EYA1: variants seen among roughly 807,000 people sequenced by gnomAD.
The protein encoded by EYA1 is protein phosphatase EYA1.
EYA1 carries 16 observed loss-of-function variants against 82.0 expected under a neutral mutation model. The observed-to-expected ratio is 0.20, with a 90% CI of 0.13 to 0.30. The LOEUF (loss-of-function observed/expected upper bound fraction) is 0.30. Among genes scored for constraint, EYA1 ranks in the 10% least tolerant of loss-of-function variants. The pLI, the probability that EYA1 is intolerant of heterozygous loss-of-function variation, is 1.00. For synonymous variants in EYA1, 261 were observed against 264.4 expected (o/e 0.99, Z 0.12); for missense variants, 633 against 730.7 (o/e 0.87, Z 1.54).
At chr8:71,335,270 A>G in intron 3 of EYA1, among the ~76,000 whole-genome samples, 1 of 152,314 alleles carries the variant, frequency 6.6e-6, no homozygotes, top group South Asian at 2.1e-4. Context: ...AAGCGGGAAA[A>G]GATGATGGAG....
intron 3 of EYA1, among the ~76,000 whole-genome samples, chr8:71,342,106 A>T (rs541515575): frequency 6.6e-6 from 1 of 152,118 alleles, no homozygotes; most frequent in African/African-American, 2.4e-5. Flanking sequence ...GAGCCTCCAT[A>T]CTAATGCTCA....
chr8:71,397,195 A>G (rs918509084), intron 2 of EYA1, among the ~76,000 whole-genome samples: 4 of 151,980 alleles, frequency 2.6e-5, no homozygotes, highest in African/African-American at 7.3e-5. Context: ...TGCATGTGAG[A>G]TGGGTTTCCT....
chr8:71,314,850 T>C (rs1009587697), intron 7 of EYA1, among the ~76,000 whole-genome samples: 3 of 152,218 alleles, frequency 2.0e-5, no homozygotes, highest in African/African-American at 7.2e-5. Context: ...TTTAATGCAA[T>C]ATCCAGTAAG....
At chr8:71,387,111 G>C (rs181036623) in intron 2 of EYA1, among the ~76,000 whole-genome samples, 2 of 152,120 alleles carry the variant, frequency 1.3e-5, no homozygotes, top group Non-Finnish European at 2.9e-5. Context: ...TGTGTGATGC[G>C]ATCGACTTCT....
chr8:71,258,782 T>C (rs1350952110), intron 11 of EYA1, among the ~76,000 whole-genome samples: 1 of 152,232 alleles, frequency 6.6e-6, no homozygotes, highest in African/African-American at 2.4e-5. Flanking sequence ...ATCTTAACTA[T>C]CTTGTAAATA....
chr8:71,538,275 T>A (rs548391091), intron 1 of EYA1, among the ~76,000 whole-genome samples: 3 of 152,288 alleles, frequency 2.0e-5, no homozygotes, highest in African/African-American at 7.2e-5. Context: ...TCTCTACCTG[T>A]CTCCCCCGCT....
intron 2 of EYA1, among the ~76,000 whole-genome samples, chr8:71,505,046 C>T (rs753760572): frequency 3.9e-5 from 6 of 152,154 alleles, no homozygotes; most frequent in Non-Finnish European, 5.9e-5. Context: ...ATGATCTGCC[C>T]GCCTTGGCCT....
At chr8:71,425,797 C>T (rs1041784994) in intron 2 of EYA1, among the ~76,000 whole-genome samples, 1 of 152,136 alleles carries the variant, frequency 6.6e-6, no homozygotes, top group Admixed American at 6.6e-5. Context: ...CTTGCTGGAA[C>T]AGCCTGAAAG....
chr8:71,486,915 T>C (rs1810614760), intron 2 of EYA1, among the ~76,000 whole-genome samples: 1 of 147,122 alleles, frequency 6.8e-6, no homozygotes, highest in Non-Finnish European at 1.5e-5. Context: ...TCATCTCCAT[T>C]TGTGTGACTT....
chr8:71,335,971 C>T (rs1824438648), intron 3 of EYA1, among the ~76,000 whole-genome samples: 1 of 152,138 alleles, frequency 6.6e-6, no homozygotes, highest in South Asian at 2.1e-4. Flanking sequence ...CTGTAAAGTG[C>T]CTACTATGTG....
At chr8:71,286,831 C>T (rs1218025947) in intron 9 of EYA1, among the ~76,000 whole-genome samples, 1 of 129,746 alleles carries the variant, frequency 7.7e-6, no homozygotes, top group Non-Finnish European at 1.6e-5. Flanking sequence ...GAGACAGAGA[C>T]TTACTCTCTC....
upstream of EYA1, among the ~76,000 whole-genome samples, chr8:71,364,238 T>C (rs1316057103): frequency 6.6e-6 from 1 of 151,954 alleles, no homozygotes; most frequent in African/African-American, 2.4e-5. Flanking sequence ...TGTGCATATT[T>C]ACTACTTTTA....
chr8:71,437,747 G>A (rs1217651631), intron 2 of EYA1, among the ~76,000 whole-genome samples: 1 of 151,712 alleles, frequency 6.6e-6, no homozygotes, highest in African/African-American at 2.4e-5. Context: ...AGTCCACAGG[G>A]CTAGAAAATG....
chr8:71,498,580 C>A (rs1434106583), intron 2 of EYA1, among the ~76,000 whole-genome samples: 1 of 152,064 alleles, frequency 6.6e-6, no homozygotes, highest in Non-Finnish European at 1.5e-5. Context: ...ATTCCATCTA[C>A]AAGACCACAT....
intron 15 of EYA1, 32 bp from the exon 16 acceptor site, chr8:71,215,540 G>A (rs769085577): frequency 1.2e-6 from 2 of 1,612,506 alleles, no homozygotes; most frequent in Non-Finnish European, 1.7e-6. Flanking sequence ...AAAGACTGTT[G>A]AAAAATAAAT....
At chr8:71,299,554 T>A (rs1250463187) in intron 8 of EYA1, 84 bp downstream of exon 8, 1 of 879,644 alleles carries the variant, frequency 1.1e-6, no homozygotes, top group African/African-American at 1.6e-5. Flanking sequence ...AAGCTCTCAC[T>A]TATAAACAGA....
intron 2 of EYA1, among the ~76,000 whole-genome samples, chr8:71,510,641 T>G (rs1812526459): frequency 6.6e-6 from 1 of 152,166 alleles, no homozygotes; most frequent in Non-Finnish European, 1.5e-5. Flanking sequence ...GGGAAACCAC[T>G]CATATGGTTC....
intron 1 of EYA1, among the ~76,000 whole-genome samples, chr8:71,536,215 G>A (rs1372361654): frequency 1.3e-5 from 2 of 151,522 alleles, no homozygotes; most frequent in African/African-American, 4.9e-5. Flanking sequence ...TAGTTTCTCC[G>A]TGCTATCTAT....
At chr8:71,408,576 G>C (rs1397092446) in intron 2 of EYA1, among the ~76,000 whole-genome samples, 1 of 101,330 alleles carries the variant, frequency 9.9e-6, no homozygotes, top group Non-Finnish European at 2.0e-5. Flanking sequence ...TGCAATCCTA[G>C]TCTCTGATAA....
Sources: gnomAD v4.1 joint callset for allele counts (sites outside exome capture counted in the v4.1 genomes callset) on GRCh38, gnomAD v4.1.1 for gene constraint, MANE v1.5 for transcripts, NCBI Gene and HGNC (gene_info 2026-07-23, HGNC 2026-07-21) for gene names.